The following HDX variants were observed in gnomAD, a reference collection of about 807,000 sequenced individuals.
HDX encodes highly divergent homeobox.
A neutral mutation model predicts 45.2 loss-of-function variants in HDX; 19 were observed. That is an observed-to-expected ratio of 0.42 (90% CI 0.29 to 0.62). The LOEUF is 0.62. Ranked by LOEUF, HDX falls within the 20% of genes least tolerant of loss-of-function variation. The pLI is 0.20. For synonymous variants in HDX, 188 were observed against 172.8 expected (o/e 1.09, Z -0.69); for missense variants, 532 against 493.9 (o/e 1.08, Z -0.73).
intron 6 of HDX, among the ~76,000 whole-genome samples, chrX:84,349,413 G>A (rs2037283580): frequency 1.1e-5 from 1 of 92,765 alleles, no homozygotes; most frequent in Admixed American, 1.2e-4. Context: ...ATGTGTGTGT[G>A]TGTGTGTGTG....
At chrX:84,437,641 G>C (rs2039668295) in intron 5 of HDX, among the ~76,000 whole-genome samples, 1 of 110,497 alleles carries the variant, frequency 9.1e-6, no homozygotes, top group African/African-American at 3.3e-5. Flanking sequence ...TCTAGACCAG[G>C]CACATGTGAG....
intron 5 of HDX, among the ~76,000 whole-genome samples, chrX:84,432,378 A>G (rs375297440): frequency 8.9e-6 from 1 of 112,040 alleles, no homozygotes; most frequent in African/African-American, 3.2e-5. Flanking sequence ...GAAGAATGTC[A>G]TAGGTTTGAT....
intron 6 of HDX, among the ~76,000 whole-genome samples, chrX:84,350,160 T>TACTG (rs1456361882): frequency 8.9e-6 from 1 of 111,920 alleles, no homozygotes; most frequent in Admixed American, 9.5e-5. Flanking sequence ...ATCTTTCTGT[T>TACTG]ATTGATTTCT....
At chrX:84,346,493 T>TA (rs2037208460) in intron 6 of HDX, among the ~76,000 whole-genome samples, 1 of 111,534 alleles carries the variant, frequency 9.0e-6, no homozygotes, top group South Asian at 3.7e-4. Flanking sequence ...TTTATATACT[T>TA]ACTGTAATCA....
At chrX:84,332,628 C>T (rs1483889043) in intron 9 of HDX, among the ~76,000 whole-genome samples, 1 of 111,061 alleles carries the variant, frequency 9.0e-6, no homozygotes, top group Admixed American at 9.6e-5. Context: ...CTGTAGTTTC[C>T]ACAACCTGTG....
At position 84,321,133 on chromosome X, in the gene HDX, A is replaced by C. The variant is rs2036589525; in HGVS notation, c.*756T>G. On this transcript the variant is annotated 3_prime_UTR_variant, in exon 11 of 11. Coordinates refer to ENST00000373177, the MANE Select transcript of HDX (RefSeq NM_001177479.2). ...TATACAAATTTACTACTGGAATGTC[A>C]ATCGTATCAATACTTGTCATTTGTA... 1 of 111,185 alleles carries C rather than the reference A, an allele frequency of 9.0e-6. No individual in the cohort carries two copies. Among genetic ancestry groups the C allele is most frequent in the African/African-American group, 3.2e-5 (1 of 30,805 alleles). 9.2% of individuals were successfully genotyped at this position (111,185 alleles called of 1,213,427 possible).
intron 5 of HDX, among the ~76,000 whole-genome samples, chrX:84,406,779 T>C (rs1274689947): frequency 1.8e-5 from 2 of 111,131 alleles, no homozygotes; most frequent in East Asian, 5.6e-4. Flanking sequence ...CTCAGAAGGC[T>C]TTCTTACTAT....
intron 2 of HDX, among the ~76,000 whole-genome samples, chrX:84,479,416 G>A (rs1358780395): frequency 1.8e-5 from 2 of 111,797 alleles, no homozygotes; most frequent in South Asian, 3.8e-4. Context: ...TTGTAAAGTC[G>A]TATTTTATTG....
chrX:84,400,841 G>C (rs1272528583), intron 5 of HDX, among the ~76,000 whole-genome samples: 1 of 111,169 alleles, frequency 9.0e-6, no homozygotes, highest in Non-Finnish European at 1.9e-5. Context: ...CACAGTACTA[G>C]TACCAAAAGA....
chrX:84,342,660 T>C (rs980085488), intron 7 of HDX, among the ~76,000 whole-genome samples: 1 of 110,853 alleles, frequency 9.0e-6, no homozygotes, highest in Non-Finnish European at 1.9e-5. Flanking sequence ...AAAAATAAAA[T>C]TGGATGTATT....
At chrX:84,406,534 A>T (rs867863574) in intron 5 of HDX, among the ~76,000 whole-genome samples, 13 of 16,181 alleles carry the variant, frequency 8.0e-4, no homozygotes, top group Admixed American at 2.2e-3. Context: ...ACACACACAC[A>T]CTCTATGTAT....
intron 5 of HDX, among the ~76,000 whole-genome samples, chrX:84,366,816 A>T (rs750592010): frequency 2.1e-4 from 23 of 111,987 alleles, no homozygotes; most frequent in Non-Finnish European, 3.6e-4. Flanking sequence ...CTGAAACTGG[A>T]TCCCTTCCTT....
At chrX:84,364,910 T>A (rs1306795035) in intron 5 of HDX, among the ~76,000 whole-genome samples, 1 of 111,261 alleles carries the variant, frequency 9.0e-6, no homozygotes, top group African/African-American at 3.3e-5. Context: ...TCCGGGTTCA[T>A]CCATGTTGTC....
chrX:84,463,478 G>A (rs1027852966), intron 4 of HDX, among the ~76,000 whole-genome samples: 13 of 111,342 alleles, frequency 1.2e-4, no homozygotes, highest in Non-Finnish European at 2.5e-4. Flanking sequence ...AATGTATTGT[G>A]CTTATAAAGA....
In HDX at chrX:84,323,845, C is replaced by T. The variant is rs771034812; in HGVS notation, c.1948-1831G>A. 5.3e-5 allele frequency among the ~76,000 whole-genome samples: 6 copies of T among 112,526 alleles called. No individual in the cohort carries two copies. In the East Asian group the frequency reaches 1.7e-3, roughly 31 times the overall value. ...CATAAATGACAACTATCCTCAGGGT[C>T]TGACCTACGGTCATTTTTCCCAAGA... On this transcript the variant is annotated intron_variant, in intron 10 of 10. Transcript: ENST00000373177.
chrX:84,372,418 T>A (rs1438085935), intron 5 of HDX, among the ~76,000 whole-genome samples: 2 of 111,718 alleles, frequency 1.8e-5, no homozygotes, highest in South Asian at 3.7e-4. Flanking sequence ...CTATACAGGA[T>A]CATTTTGTCA....
intron 4 of HDX, among the ~76,000 whole-genome samples, chrX:84,460,207 C>G (rs1452301844): frequency 9.0e-6 from 1 of 111,395 alleles, no homozygotes; most frequent in Non-Finnish European, 1.9e-5. Context: ...ACCCTAATAC[C>G]AAAACCAGAC....
intron 5 of HDX, among the ~76,000 whole-genome samples, chrX:84,409,748 G>A (rs1376582082): frequency 9.9e-6 from 1 of 100,835 alleles, no homozygotes; most frequent in African/African-American, 3.6e-5. Context: ...GGGAGGGATA[G>A]CATTAGGAGA....
chrX:84,405,876 T>C (rs958087121), intron 5 of HDX, among the ~76,000 whole-genome samples: 1 of 110,551 alleles, frequency 9.0e-6, no homozygotes, highest in Non-Finnish European at 1.9e-5. Context: ...CAAATTTATA[T>C]CATTTAATCA....
Sources: gnomAD v4.1 joint callset for allele counts (sites outside exome capture counted in the v4.1 genomes callset) on GRCh38, gnomAD v4.1.1 for gene constraint, MANE v1.5 for transcripts, NCBI Gene and HGNC (gene_info 2026-07-23, HGNC 2026-07-21) for gene names.